Variants in ANKDD1A observed in about 807,000 individuals in gnomAD.
The protein encoded by ANKDD1A is ankyrin repeat and death domain-containing protein 1A.
Under a neutral mutation model 63.5 loss-of-function variants are expected in ANKDD1A, and 59 were observed. The observed-to-expected ratio is 0.93, with a 90% CI of 0.75 to 1.15. ANKDD1A has a LOEUF of 1.15. Among genes scored for constraint, ANKDD1A ranks in the 50% most tolerant of loss-of-function variants. The probability of loss-of-function intolerance (pLI) is 0.00; values close to 1 mark genes in which losing one functional copy is unlikely to be tolerated. For synonymous variants in ANKDD1A, 266 were observed against 263.9 expected (o/e 1.01, Z -0.08); for missense variants, 632 against 656.4 (o/e 0.96, Z 0.41).
chr15:64,912,466 G>T (rs889381080), intron 1 of ANKDD1A, among the ~76,000 whole-genome samples: 4 of 152,210 alleles, frequency 2.6e-5, no homozygotes, highest in Admixed American at 2.6e-4. Flanking sequence ...AGTGGAGACC[G>T]CATCAGATGG....
rs959487477 is a variant in ANKDD1A at position 64,938,815 on chromosome 15, G to T, written c.868-3652G>T. On this transcript the variant is annotated intron_variant, in intron 9 of 14. Transcript: ENST00000319580. ...CAAAAATTAGCCGGGTGTGGTGGTG[G>T]GCGCCTGTAATCCCAGCTATTTGGG... Among the ~76,000 whole-genome samples, 6 of 151,868 alleles carry T rather than the reference G, an allele frequency of 4.0e-5. No individual in the cohort carries two copies. In the East Asian group the frequency reaches 1.2e-3, roughly 29 times the overall value.
At chr15:64,953,956 T>TC (rs2085367575) in intron 14 of ANKDD1A, among the ~76,000 whole-genome samples, 5 of 4,066 alleles carry the variant, frequency 1.2e-3, no homozygotes, top group Non-Finnish European at 0.017. Context: ...TCTTCTATTG[T>TC]TTCTTTTTTT....
chr15:64,934,277 C>T (rs1254987947), intron 9 of ANKDD1A, 43 bp downstream of exon 9: 11 of 1,563,880 alleles, frequency 7.0e-6, no homozygotes, highest in Non-Finnish European at 9.6e-6. Context: ...CATTGCAAAG[C>T]CTTCCATGAG....
chr15:64,955,632 T>C (rs1006939294), intron 14 of ANKDD1A, among the ~76,000 whole-genome samples: 3 of 152,150 alleles, frequency 2.0e-5, no homozygotes, highest in Admixed American at 2.0e-4. Flanking sequence ...TTCTGTCTCA[T>C]TTGAGCTCTC....
At chr15:64,913,138 A>G (rs561044562) in intron 1 of ANKDD1A, among the ~76,000 whole-genome samples, 1 of 152,228 alleles carries the variant, frequency 6.6e-6, no homozygotes, top group African/African-American at 2.4e-5. Context: ...CTGTTTGCCA[A>G]TACAAACCAG....
chr15:64,954,491 CTCCTTCTTCT>C (rs1289134914), intron 14 of ANKDD1A, among the ~76,000 whole-genome samples: 19 of 142,812 alleles, frequency 1.3e-4, no homozygotes, highest in African/African-American at 3.5e-4. Flanking sequence ...CTTCTTCCTT[CTCCTTCTTCT>C]TCCTTCTTCT....
intron 6 of ANKDD1A, 31 bp from the exon 7 acceptor site, chr15:64,930,791 G>A: frequency 1.3e-6 from 2 of 1,597,240 alleles, no homozygotes; most frequent in Non-Finnish European, 8.5e-7. Context: ...TCTCTGGTCT[G>A]CTGGCCTCTC....
chr15:64,933,571 C>T (rs931990785), intron 8 of ANKDD1A, among the ~76,000 whole-genome samples: 1 of 151,458 alleles, frequency 6.6e-6, no homozygotes, highest in African/African-American at 2.4e-5. Context: ...TGGCCAGGTG[C>T]GGTGGCTCAC....
At chr15:64,950,722 A>ACGGGGGGGGGG in intron 14 of ANKDD1A, 1 of 941,254 alleles carries the variant, frequency 1.1e-6, no homozygotes, top group Non-Finnish European at 1.2e-6. Flanking sequence ...AGGGAAAAGA[A>ACGGGGGGGGGG]AGGACCGCCC....
intron 9 of ANKDD1A, among the ~76,000 whole-genome samples, chr15:64,940,501 T>C (rs1595854008): frequency 6.6e-6 from 1 of 152,062 alleles, no homozygotes; most frequent in African/African-American, 2.4e-5. Context: ...GGCGTGATCT[T>C]GGCTCACTGC....
Position 64,947,475 on chromosome 15 carries a change from C to T in ANKDD1A, c.1233C>T (p.Leu411=). The change falls in exon 13 of 15, where the codon CTC becomes CTT. Residue 411 remains leucine, a synonymous_variant. Coordinates refer to ENST00000319580, the MANE Select transcript of ANKDD1A (RefSeq NM_182703.6). The part of the protein sequence containing the change: ...KQDHRQETQQ[L]RSVLWRLASR... ...ACCATCGGCAGGAAACACAGCAGCT[C>T]CGTTCTGTGCTGTGGCGGCTGGCCT... The T allele has an allele frequency of 6.2e-7, 1 of 1,614,142 alleles. No homozygotes were observed. Among genetic ancestry groups the T allele is most frequent in the Non-Finnish European group, 8.5e-7 (1 of 1,180,004 alleles).
intron 9 of ANKDD1A, among the ~76,000 whole-genome samples, chr15:64,937,239 A>G (rs2085141304): frequency 6.6e-6 from 1 of 152,168 alleles, no homozygotes; most frequent in East Asian, 1.9e-4. Flanking sequence ...ACTTACAAAT[A>G]CATGTGCCCT....
Position 64,949,990 on chromosome 15 carries a change from TG to T in ANKDD1A, c.1483+21del. 6.2e-7 allele frequency: 1 copy of T among 1,605,522 alleles called. No homozygotes were observed. On this transcript the variant is annotated intron_variant, in intron 14 of 14. Coordinates refer to ENST00000319580, the MANE Select transcript of ANKDD1A (RefSeq NM_182703.6). ...CCTGGCTGGTAAGAGCGTACTCTGC[TG>T]GGCTGCTTCTCAGGAGCTGGGTGGC...
intron 10 of ANKDD1A, chr15:64,943,098 A>G (rs955931383): frequency 1.9e-5 from 4 of 208,984 alleles, no homozygotes; most frequent in Non-Finnish European, 2.9e-5. Flanking sequence ...CTCAGCCTTG[A>G]GAAACATATT....
intron 10 of ANKDD1A, 79 bp downstream of exon 10, chr15:64,942,644 C>A: frequency 9.1e-7 from 1 of 1,092,968 alleles, no homozygotes; most frequent in Non-Finnish European, 1.3e-6. Flanking sequence ...GCTGTGGTCT[C>A]CTAGCATGGC....
At chr15:64,931,611 G>A (rs2085092333) in intron 8 of ANKDD1A, 26 bp downstream of exon 8, 1 of 1,609,912 alleles carries the variant, frequency 6.2e-7, no homozygotes, top group African/African-American at 1.3e-5. Flanking sequence ...CAAGACTGCG[G>A]TCGGCTCTTG....
intron 14 of ANKDD1A, among the ~76,000 whole-genome samples, chr15:64,954,701 C>G (rs1373185017): frequency 2.9e-5 from 4 of 140,260 alleles, no homozygotes; most frequent in Non-Finnish European, 6.1e-5. Flanking sequence ...CCTTGTTCTT[C>G]TCCTTCTTCT....
chr15:64,934,995 C>T (rs183078095), intron 9 of ANKDD1A, among the ~76,000 whole-genome samples: 136 of 151,836 alleles, frequency 9.0e-4, no homozygotes, highest in Middle Eastern at 3.4e-3. Context: ...GAGGCCGAGG[C>T]TGGAGTATTG....
At chr15:64,951,001 T>G (rs753376948) in intron 14 of ANKDD1A, 2 of 1,269,724 alleles carry the variant, frequency 1.6e-6, no homozygotes, top group South Asian at 2.6e-5. Flanking sequence ...CCCCAGGAGG[T>G]GCACAGCCAT....
Sources: gnomAD v4.1 joint callset for allele counts (sites outside exome capture counted in the v4.1 genomes callset) on GRCh38, gnomAD v4.1.1 for gene constraint, MANE v1.5 for transcripts, NCBI Gene and HGNC (gene_info 2026-07-23, HGNC 2026-07-21) for gene names.